MARCHF6: variants seen among roughly 807,000 people sequenced by gnomAD.
MARCHF6 encodes the protein membrane associated ring-CH-type finger 6, also known as E3 ubiquitin-protein ligase MARCHF6.
Under a neutral mutation model 133.7 loss-of-function variants are expected in MARCHF6, and 31 were observed. That is an observed-to-expected ratio of 0.23 (90% confidence interval 0.17 to 0.31). The LOEUF is 0.31. Ranked by LOEUF, MARCHF6 falls within the 10% of genes least tolerant of loss-of-function variation. MARCHF6 has a pLI of 1.00. For missense variants in MARCHF6, 723 were observed against 1,121.6 expected, an observed-to-expected ratio of 0.64 and a Z score of 5.08; for synonymous variants, 395 against 402.5, an observed-to-expected ratio of 0.98 and a Z score of 0.22.
At position 10,415,018 on chromosome 5, in the gene MARCHF6, T is replaced by C. The variant is rs571251446; in HGVS notation, c.1967-470T>C. ...TTATTTTGCCCACTCCTTATTAAAA[T>C]AAGCTTAGTTTTCTGTCTTGATGAA... On this transcript the variant is annotated intron_variant, in intron 20 of 25. Transcript: ENST00000274140. Among the ~76,000 whole-genome samples the C allele has an allele frequency of 2.6e-5, 4 of 152,352 alleles. No homozygotes were observed. The East Asian group carries it at 7.7e-4, about 29-fold the overall frequency.
intron 1 of MARCHF6, among the ~76,000 whole-genome samples, chr5:10,369,133 T>C (rs573175682): frequency 1.3e-5 from 2 of 152,320 alleles, no homozygotes; most frequent in East Asian, 3.9e-4. Flanking sequence ...CAGACACTTC[T>C]ACCAAGAAGG....
rs553776197 is a variant in MARCHF6, at chr5:10,414,529, A to G, written c.1966+27A>G. 17 of 1,553,676 alleles carry G rather than the reference A, an allele frequency of 1.1e-5. No homozygotes were observed. In the African/African-American group the frequency reaches 1.2e-4, roughly 11 times the overall value. ...TATGAGCTTGTGCTAGCCTTCAGCTAATAGCATCATTAAGGTTATTTATTT... is the reference window on the plus strand; with the variant it reads ...TATGAGCTTGTGCTAGCCTTCAGCTGATAGCATCATTAAGGTTATTTATTT... On this transcript the variant is annotated intron_variant, in intron 20 of 25. Transcript: ENST00000274140.
intron 22 of MARCHF6, among the ~76,000 whole-genome samples, chr5:10,423,368 A>G (rs1255845969): frequency 6.6e-6 from 1 of 152,218 alleles, no homozygotes; most frequent in Non-Finnish European, 1.5e-5. Flanking sequence ...CACAGTCTTA[A>G]TTTGACATAA....
At chr5:10,409,388 C>T (rs1579597684) in intron 17 of MARCHF6, among the ~76,000 whole-genome samples, 8 of 152,184 alleles carry the variant, frequency 5.3e-5, no homozygotes, top group Admixed American at 4.6e-4. Flanking sequence ...GAGTGAGCCA[C>T]GTGGATCCCT....
intron 24 of MARCHF6, among the ~76,000 whole-genome samples, chr5:10,427,430 G>T (rs556304079): frequency 3.9e-4 from 60 of 152,178 alleles, no homozygotes; most frequent in East Asian, 2.1e-3. Context: ...AGTTTACAAG[G>T]CTCCTCCTTT....
chr5:10,389,543 T>C (rs1354382053), intron 5 of MARCHF6, among the ~76,000 whole-genome samples: 2 of 152,100 alleles, frequency 1.3e-5, no homozygotes, highest in African/African-American at 4.8e-5. Context: ...GCTGGAATTA[T>C]AGGTGCACAC....
intron 18 of MARCHF6, among the ~76,000 whole-genome samples, chr5:10,410,536 C>CT (rs539275040): frequency 1.5e-3 from 213 of 142,762 alleles, no homozygotes; most frequent in Middle Eastern, 7.4e-3. Context: ...GAGTAAATGT[C>CT]TTTTTTTTTT....
At chr5:10,384,854 C>CT (rs1465976417) in intron 4 of MARCHF6, among the ~76,000 whole-genome samples, 1 of 152,132 alleles carries the variant, frequency 6.6e-6, no homozygotes, top group Non-Finnish European at 1.5e-5. Context: ...GGGAATATAA[C>CT]TAACAGAACA....
intron 4 of MARCHF6, among the ~76,000 whole-genome samples, chr5:10,382,835 A>G (rs1561114130): frequency 6.6e-6 from 1 of 152,172 alleles, no homozygotes; most frequent in Non-Finnish European, 1.5e-5. Context: ...TCAATAAAAT[A>G]CAAATAAAAT....
rs79253541 is a variant in MARCHF6, at chr5:10,400,386, C to T, written c.914-398C>T. Among the ~76,000 whole-genome samples the T allele has an allele frequency of 9.5e-3, 1,444 of 152,240 alleles. 23 individuals carry two copies. Among genetic ancestry groups the T allele is most frequent in the African/African-American group, 0.033 (1,385 of 41,544 alleles). ...ACTATTCACATGGGTGTGCTAACTG[C>T]TTCCAAAACATCAAAGTGTTTTCTT... On this transcript the variant is annotated intron_variant, in intron 10 of 25. Transcript: ENST00000274140.
intron 22 of MARCHF6, among the ~76,000 whole-genome samples, chr5:10,419,684 A>AT (rs1739728014): frequency 6.6e-6 from 1 of 151,484 alleles, no homozygotes; most frequent in African/African-American, 2.4e-5. Flanking sequence ...GAAAAATACT[A>AT]TTTTGCAATA....
chr5:10,373,855 A>T (rs951045238), intron 1 of MARCHF6, among the ~76,000 whole-genome samples: 1 of 152,096 alleles, frequency 6.6e-6, no homozygotes, highest in Non-Finnish European at 1.5e-5. Flanking sequence ...AATCCACAGT[A>T]TTGTTGTGAA....
intron 1 of MARCHF6, among the ~76,000 whole-genome samples, chr5:10,355,298 C>G (rs758757741): frequency 1.3e-5 from 2 of 152,138 alleles, no homozygotes; most frequent in East Asian, 3.8e-4. Flanking sequence ...GTGGTCCTTG[C>G]GTGTAAATTT....
At chr5:10,426,256 T>C in intron 23 of MARCHF6, 134 bp from the exon 24 acceptor site, 2 of 916,268 alleles carry the variant, frequency 2.2e-6, no homozygotes, top group African/African-American at 3.3e-5. Flanking sequence ...ATACCAGAAT[T>C]TGCCTTGACT....
chr5:10,414,224 CT>C (rs1179255270), intron 19 of MARCHF6, among the ~76,000 whole-genome samples: 2 of 151,602 alleles, frequency 1.3e-5, no homozygotes, highest in Non-Finnish European at 2.9e-5. Context: ...TGGGATGTAT[CT>C]GATTATGTGA....
chr5:10,375,400 AGG>A (rs1433406280), intron 1 of MARCHF6, among the ~76,000 whole-genome samples: 1 of 152,232 alleles, frequency 6.6e-6, no homozygotes, highest in Non-Finnish European at 1.5e-5. Context: ...CCCGCTGGGC[AGG>A]GCTCGGGACC....
intron 3 of MARCHF6, 118 bp from the exon 4 acceptor site, chr5:10,381,682 G>A (rs1737155189): frequency 4.0e-6 from 3 of 744,468 alleles, no homozygotes; most frequent in East Asian, 6.0e-5. Context: ...TTTTTAAATA[G>A]GAAAAAAATT....
intron 1 of MARCHF6, among the ~76,000 whole-genome samples, chr5:10,360,816 A>G (rs1649896113): frequency 1.3e-5 from 2 of 152,200 alleles, no homozygotes; most frequent in Non-Finnish European, 1.5e-5. Flanking sequence ...AGACAGTGCA[A>G]AAGAGATCTG....
chr5:10,385,974 C>G (rs1459332922), intron 4 of MARCHF6, among the ~76,000 whole-genome samples: 1 of 151,700 alleles, frequency 6.6e-6, no homozygotes, highest in Non-Finnish European at 1.5e-5. Context: ...TTTTCTCTAG[C>G]TTAGCATCGT....
Sources: allele counts gnomAD v4.1 joint callset (sites outside exome capture counted in the v4.1 genomes callset), GRCh38; gene constraint gnomAD v4.1.1; transcripts MANE v1.5; gene names NCBI Gene and HGNC (gene_info 2026-07-23, HGNC 2026-07-21).